Variants in CLIP1 observed in about 807,000 individuals in gnomAD.
CLIP1 encodes the protein CAP-Gly domain-containing linker protein 1.
Under a neutral mutation model 161.6 loss-of-function variants are expected in CLIP1, and 66 were observed. The ratio of observed to expected loss-of-function variants is 0.41; its 90% CI spans 0.33 to 0.50. The LOEUF (loss-of-function observed/expected upper bound fraction) is 0.50, where lower values mean the gene tolerates loss of function less well. CLIP1 is among the 20% of genes least tolerant of loss of function. The pLI, the probability that CLIP1 is intolerant of heterozygous loss-of-function variation, is 0.27. For synonymous variants in CLIP1, 598 were observed against 626.2 expected (o/e 0.96, Z 0.67); for missense variants, 1,376 against 1,702.0 (o/e 0.81, Z 3.37).
At chr12:122,288,060 T>C (rs1365408386) in intron 21 of CLIP1, among the ~76,000 whole-genome samples, 6 of 151,214 alleles carry the variant, frequency 4.0e-5, no homozygotes, top group Middle Eastern at 3.4e-3. Context: ...TGAGACGGAG[T>C]CTCTCACTGT....
chr12:122,413,182 GAAGA>G (rs1469427591), intron 1 of CLIP1, among the ~76,000 whole-genome samples: 2 of 152,154 alleles, frequency 1.3e-5, no homozygotes, highest in African/African-American at 4.8e-5. Flanking sequence ...GGTAAATCAG[GAAGA>G]GAGAGGAGGC....
intron 3 of CLIP1, among the ~76,000 whole-genome samples, chr12:122,372,205 G>A (rs1055809802): frequency 2.0e-5 from 3 of 151,970 alleles, no homozygotes; most frequent in African/African-American, 7.2e-5. Context: ...CAGATCACCT[G>A]AGGTCAGGAG....
intron 1 of CLIP1, among the ~76,000 whole-genome samples, chr12:122,394,683 C>T (rs151335190): frequency 2.0e-5 from 3 of 150,830 alleles, no homozygotes; most frequent in Non-Finnish European, 4.4e-5. Context: ...ATCAGGAGAT[C>T]GAGACCATCC....
At chr12:122,389,270 T>C in intron 1 of CLIP1, among the ~76,000 whole-genome samples, 1 of 152,220 alleles carries the variant, frequency 6.6e-6, no homozygotes, top group Admixed American at 6.5e-5. Flanking sequence ...GGGAAGAAAC[T>C]GTATTTTAGT....
chr12:122,311,928 T>G lies in CLIP1; in HGVS notation c.3474-2046A>C, dbSNP rs1368680034. 6.6e-6 allele frequency among the ~76,000 whole-genome samples: 1 copy of G among 152,202 alleles called. No individual in the cohort carries two copies. The highest frequency in any genetic ancestry group is 1.5e-5 in the Non-Finnish European group (1 of 68,038). On this transcript the variant is annotated intron_variant, in intron 19 of 25. Coordinates refer to ENST00000620786, the MANE Select transcript of CLIP1 (RefSeq NM_001247997.2). This position sits in a 1 kb window ranked among gnomAD's most constrained non-coding sequence, Gnocchi z 4.3. ...AGCTGGCAGATGACTTCAGTCGTGG[T>G]TCAGATATAGAGCACTTTGTTTTTT... is the stretch of plus-strand genomic sequence containing the variant.
chr12:122,396,858 C>T lies in CLIP1; in HGVS notation c.-106-16300G>A, dbSNP rs139929332. On this transcript the variant is annotated intron_variant, in intron 1 of 25. Coordinates refer to ENST00000620786, the MANE Select transcript of CLIP1 (RefSeq NM_001247997.2). ...CATGGCTCATGGCAGCCTTGACCTC[C>T]CAGACTCCAGCCATCCTTCCACCTC... 8.0e-3 allele frequency among the ~76,000 whole-genome samples: 1,207 copies of T among 151,460 alleles called. 24 individuals are homozygous for T. The highest frequency in any genetic ancestry group is 0.027 in the African/African-American group (1,121 of 41,262).
intron 19 of CLIP1, among the ~76,000 whole-genome samples, chr12:122,310,484 T>A (rs1951024084): frequency 6.6e-6 from 1 of 152,224 alleles, no homozygotes; most frequent in African/African-American, 2.4e-5. Context: ...TAGTAGTCTT[T>A]CCACAATGCT....
chr12:122,285,058 C>G (rs1035126970), intron 21 of CLIP1, among the ~76,000 whole-genome samples: 3 of 152,180 alleles, frequency 2.0e-5, no homozygotes, highest in Admixed American at 6.5e-5. Context: ...TCAAGTGATC[C>G]TCTCACCTCA....
intron 18 of CLIP1, among the ~76,000 whole-genome samples, chr12:122,318,317 G>A (rs1008389282): frequency 1.3e-5 from 2 of 152,288 alleles, no homozygotes; most frequent in Non-Finnish European, 2.9e-5. Context: ...GGAGGATCAC[G>A]AGGTCAGGAG....
rs538138695 is a variant in CLIP1 at position 122,311,581 on chromosome 12, C to T, written c.3474-1699G>A. ...CTGGGACTACAGGTGTCCGCCACCG[C>T]GCCCAGCCAATTTTTGTATTTTTAG... On this transcript the variant is annotated intron_variant, in intron 19 of 25. Coordinates refer to ENST00000620786, the MANE Select transcript of CLIP1 (RefSeq NM_001247997.2). The surrounding 1 kb of genome is among the most constrained non-coding windows in gnomAD (Gnocchi z 4.3). Among the ~76,000 whole-genome samples the T allele has an allele frequency of 5.9e-5, 9 of 152,142 alleles. No individual in the cohort carries two copies. The South Asian group carries it at 8.3e-4, about 14-fold the overall frequency.
intron 1 of CLIP1, among the ~76,000 whole-genome samples, chr12:122,420,060 G>A (rs1000082630): frequency 6.6e-6 from 1 of 151,512 alleles, no homozygotes; most frequent in African/African-American, 2.4e-5. Context: ...AAGGACATCA[G>A]GCCAGGCGTG....
rs1290661465 is a variant in CLIP1 at position 122,368,913 on chromosome 12, AT to A, written c.658-4807del. The stretch of plus-strand genomic sequence containing the variant: ...ACCACTGCACTTCAATAAAAAAAAA[AT>A]AAAATAAAATAAACATGGTTAGCTG... On this transcript the variant is annotated intron_variant, in intron 3 of 25. Transcript: ENST00000620786. 1.6e-4 allele frequency among the ~76,000 whole-genome samples: 24 copies of A among 152,238 alleles called. No individual in the cohort carries two copies. In the South Asian group the frequency reaches 2.9e-3, roughly 18 times the overall value.
chr12:122,313,334 G>A (rs1951133328), intron 19 of CLIP1, among the ~76,000 whole-genome samples: 1 of 152,214 alleles, frequency 6.6e-6, no homozygotes, highest in Non-Finnish European at 1.5e-5. Context: ...GAACAGCTCA[G>A]CACAGGCTGG....
At chr12:122,368,923 A>G (rs893489708) in intron 3 of CLIP1, among the ~76,000 whole-genome samples, 1 of 152,086 alleles carries the variant, frequency 6.6e-6, no homozygotes, top group African/African-American at 2.4e-5. Flanking sequence ...ATAAAATAAA[A>G]TAAACATGGT....
intron 7 of CLIP1, among the ~76,000 whole-genome samples, chr12:122,353,620 TAATA>T (rs1953161915): frequency 6.6e-6 from 1 of 151,596 alleles, no homozygotes; most frequent in South Asian, 2.1e-4. Context: ...TCTCAAAAGA[TAATA>T]AATAATGTTT....
At chr12:122,336,046 A>T (rs1952201499) in intron 12 of CLIP1, among the ~76,000 whole-genome samples, 1 of 152,192 alleles carries the variant, frequency 6.6e-6, no homozygotes, top group Non-Finnish European at 1.5e-5. Context: ...GCAGGAGGCA[A>T]GTAGGAAGGA....
At chr12:122,316,696 ATTTT>A in intron 19 of CLIP1, 49 bp downstream of exon 19, 1 of 1,116,280 alleles carries the variant, frequency 9.0e-7, no homozygotes, top group Non-Finnish European at 1.3e-6. Context: ...TTGTGTTCAC[ATTTT>A]CAATTTAAAA....
intron 9 of CLIP1, among the ~76,000 whole-genome samples, chr12:122,349,470 A>AT (rs1952915991): frequency 6.6e-6 from 1 of 152,146 alleles, no homozygotes; most frequent in African/African-American, 2.4e-5. Context: ...TAATTTTTGT[A>AT]TTTCAGTAGA....
intron 1 of CLIP1, among the ~76,000 whole-genome samples, chr12:122,420,713 A>C (rs1394555925): frequency 1.3e-5 from 2 of 152,112 alleles, no homozygotes; most frequent in Admixed American, 6.5e-5. Flanking sequence ...AAGCAGGTGG[A>C]TGACTTGAGC....
Sources: allele counts gnomAD v4.1 joint callset (sites outside exome capture counted in the v4.1 genomes callset), GRCh38; gene constraint gnomAD v4.1.1; non-coding constraint Gnocchi (gnomAD v3.1); transcripts MANE v1.5; gene names NCBI Gene and HGNC (gene_info 2026-07-23, HGNC 2026-07-21).